ACOT1: variants seen among roughly 807,000 people sequenced by gnomAD.
ACOT1 encodes acyl-CoA thioesterase 1, also known as acyl-coenzyme A thioesterase 1.
In ACOT1, 8 loss-of-function variants were observed where a neutral mutation model predicts 15.7. The ratio of observed to expected loss-of-function variants is 0.51; its 90% confidence interval spans 0.30 to 0.92. The LOEUF is 0.92. Among genes scored for constraint, ACOT1 ranks in the 40% least tolerant of loss-of-function variants. The probability of loss-of-function intolerance (pLI) is 0.06; values close to 1 mark genes in which losing one functional copy is unlikely to be tolerated. For missense variants in ACOT1, 151 were observed against 539.4 expected (o/e 0.28, Z 7.13); for synonymous variants, 67 against 241.2 (o/e 0.28, Z 6.69).
chr14:73,511,992 G>C, the ACOT1 span: 15 of 1,613,666 alleles, frequency 9.3e-6, no homozygotes, highest in Non-Finnish European at 1.3e-5. Flanking sequence ...AAGCAGTTCA[G>C]CTTTGGCTCT....
chr14:73,514,302 G>T, the ACOT1 span: 1 of 1,404,652 alleles, frequency 7.1e-7, no homozygotes, highest in Non-Finnish European at 9.9e-7. Flanking sequence ...AGTGGCCCCA[G>T]CTTGCATCCC....
chr14:73,509,810 CCA>C, the ACOT1 span, among the ~76,000 whole-genome samples: 20,652 of 62,764 alleles, frequency 0.33, 7,205 homozygotes, highest in African/African-American at 0.42. Context: ...CCCCATGAGC[CCA>C]TATATATATA....
chr14:73,518,324 A>G, the ACOT1 span, among the ~76,000 whole-genome samples: 1 of 150,770 alleles, frequency 6.6e-6, no homozygotes, highest in African/African-American at 2.4e-5. Context: ...GAATTGCTTG[A>G]ACCAGGAAGA....
At chr14:73,513,182 G>A in the ACOT1 span, among the ~76,000 whole-genome samples, 1 of 152,184 alleles carries the variant, frequency 6.6e-6, no homozygotes, top group African/African-American at 2.4e-5. Context: ...GGGTCGCCTG[G>A]GTGCAGTGGC....
At chr14:73,491,346 C>G in the ACOT1 span, 1 of 1,440,070 alleles carries the variant, frequency 6.9e-7, no homozygotes, top group Non-Finnish European at 9.1e-7. Context: ...GAGGCCTCGC[C>G]CGCCGCGCGC....
the ACOT1 span, chr14:73,490,971 G>C: frequency 3.0e-6 from 4 of 1,313,348 alleles, no homozygotes; most frequent in African/African-American, 6.1e-5. Flanking sequence ...AACCGCTTTA[G>C]CTTCGCCCCC....
chr14:73,511,871 T>G, the ACOT1 span: 4 of 971,974 alleles, frequency 4.1e-6, no homozygotes, highest in East Asian at 9.8e-5. Flanking sequence ...AGCATGTATA[T>G]ATAGGCCAGT....
chr14:73,526,141 G>A, the ACOT1 span, among the ~76,000 whole-genome samples: 7 of 152,156 alleles, frequency 4.6e-5, no homozygotes, highest in South Asian at 2.1e-4. Context: ...GTGGTGGAGC[G>A]AGAGGAGTGT....
chr14:73,491,692 C>T, the ACOT1 span: 1 of 1,549,820 alleles, frequency 6.5e-7, no homozygotes, highest in Non-Finnish European at 8.7e-7. Flanking sequence ...TATGGGAGCG[C>T]GAGGCGGTGC....
chr14:73,518,361 G>A, the ACOT1 span, among the ~76,000 whole-genome samples: 6 of 150,352 alleles, frequency 4.0e-5, no homozygotes, highest in Admixed American at 6.6e-5. Context: ...CAGAGATCAC[G>A]CCACTGCACT....
chr14:73,499,256 G>C, the ACOT1 span: 1 of 843,916 alleles, frequency 1.2e-6, no homozygotes, highest in East Asian at 2.5e-5. Context: ...CAAGGTGGGC[G>C]GATCACTTGA....
the ACOT1 span, chr14:73,522,930 G>C: frequency 6.2e-7 from 1 of 1,614,202 alleles, no homozygotes. Context: ...ACCACCTCCT[G>C]AGAGAAGGTA....
chr14:73,498,150 C>T, the ACOT1 span: 2 of 1,602,082 alleles, frequency 1.2e-6, no homozygotes, highest in Non-Finnish European at 1.7e-6. Context: ...AGGTTTAGTG[C>T]TTACTTTAGA....
the ACOT1 span, chr14:73,492,969 G>A: frequency 6.2e-7 from 1 of 1,605,970 alleles, no homozygotes; most frequent in African/African-American, 1.4e-5. The surrounding 1 kb of genome is among the most constrained non-coding windows in gnomAD (Gnocchi z 4.9). Flanking sequence ...TGGAAACAAG[G>A]CAGTAGTGAT....
chr14:73,493,203 A>G, the ACOT1 span: 20 of 1,153,216 alleles, frequency 1.7e-5, no homozygotes, highest in Non-Finnish European at 2.6e-5. Context: ...CACCAACTTC[A>G]TCACCTTCAG....
At chr14:73,509,810 CCATATATATATATATATA>C in the ACOT1 span, among the ~76,000 whole-genome samples, 487 of 63,182 alleles carry the variant, frequency 7.7e-3, 65 homozygotes, top group African/African-American at 0.019. Context: ...CCCCATGAGC[CCATATATATATATATATA>C]TATATATATA....
At chr14:73,521,111 C>T in the ACOT1 span, 3 of 1,318,676 alleles carry the variant, frequency 2.3e-6, no homozygotes, top group Non-Finnish European at 3.2e-6. Context: ...ATTAAATCCA[C>T]AGCTCGTTCC....
At chr14:73,522,197 T>C in the ACOT1 span, 6 of 1,459,196 alleles carry the variant, frequency 4.1e-6, no homozygotes, top group Admixed American at 6.1e-5. Context: ...AAATCGGGAG[T>C]GTGAGTCCAC....
At chr14:73,532,763 G>A (rs1888745843), upstream of ACOT1, among the ~76,000 whole-genome samples, 1 of 113,782 alleles carries the variant, frequency 8.8e-6, no homozygotes, top group African/African-American at 2.9e-5. Context: ...AACCATCCTA[G>A]CTAACACAGT....
Sources: gnomAD v4.1 joint callset for allele counts (sites outside exome capture counted in the v4.1 genomes callset) on GRCh38, gnomAD v4.1.1 for gene constraint, Gnocchi (gnomAD v3.1) non-coding constraint, MANE v1.5 for transcripts, NCBI Gene and HGNC (gene_info 2026-07-23, HGNC 2026-07-21) for gene names.